DYNC2H1: variants seen among roughly 807,000 people sequenced by gnomAD.
The protein encoded by DYNC2H1 is dynein cytoplasmic 2 heavy chain 1.
In DYNC2H1, 410 loss-of-function variants were observed where a neutral mutation model predicts 570.0. That is an observed-to-expected ratio of 0.72 (90% confidence interval 0.66 to 0.78). DYNC2H1 has a LOEUF of 0.78. DYNC2H1 is among the 30% of genes least tolerant of loss of function. The pLI, the probability that DYNC2H1 is intolerant of heterozygous loss-of-function variation, is 0.00. For synonymous variants in DYNC2H1, 1,688 were observed against 1,677.6 expected (o/e 1.01, Z -0.15); for missense variants, 4,865 against 5,046.4 (o/e 0.96, Z 1.09).
At chr11:103,234,769 A>G (rs554992695) in intron 61 of DYNC2H1, among the ~76,000 whole-genome samples, 2 of 151,958 alleles carry the variant, frequency 1.3e-5, no homozygotes, top group Admixed American at 1.3e-4. Flanking sequence ...TTAAATGTGT[A>G]TTTCCAACTA....
chr11:103,158,838 T>G (rs549625513), intron 27 of DYNC2H1, 29 bp downstream of exon 27: 2 of 1,459,070 alleles, frequency 1.4e-6, no homozygotes, highest in Non-Finnish European at 9.2e-7. Flanking sequence ...AAATATATAA[T>G]AAATTGTAAA....
chr11:103,256,339 T>C lies in DYNC2H1; in HGVS notation c.10461+99T>C. 1 of 1,217,644 alleles carries C rather than the reference T, an allele frequency of 8.2e-7. No homozygotes were observed. Among genetic ancestry groups the C allele is most frequent in the Admixed American group, 2.9e-5 (1 of 34,066 alleles). The allele number at this position is 1,217,644 out of a possible 1,614,324, so 75.4% of individuals were successfully genotyped here. ...AATCAGGTCCTCAGGGGAAAGATGA[T>C]GTGAAAAGAAAAAAGCTATTCAAAA... is the stretch of plus-strand genomic sequence containing the variant. On this transcript the variant is annotated intron_variant, in intron 68 of 88. Transcript: ENST00000375735. This position sits in a 1 kb window ranked among gnomAD's most constrained non-coding sequence, Gnocchi z 4.0.
Position 103,160,947 on chromosome 11 carries a change from G to T in DYNC2H1, c.4394G>T (p.Cys1465Phe). The T allele has an allele frequency of 6.4e-7, 1 of 1,556,042 alleles. No homozygotes were observed. Among genetic ancestry groups the T allele is most frequent in the African/African-American group, 1.4e-5 (1 of 72,760 alleles). The change falls in exon 29 of 89, where the codon TGC (cysteine) becomes TTC (phenylalanine). Residue 1465 changes from cysteine to phenylalanine, a missense_variant. Coordinates refer to ENST00000375735, the MANE Select transcript of DYNC2H1 (RefSeq NM_001377.3). ...TATATTTCAGGTATTAACAGTGTTT[G>T]CTTTGATGAGAAATCAAAACATATA... ...KKLFAGINSV[C>F]FDEKSKHITA... is the part of the protein sequence containing the mutation.
At chr11:103,297,695 A>AAG (rs1283272220) in intron 75 of DYNC2H1, among the ~76,000 whole-genome samples, 1 of 152,078 alleles carries the variant, frequency 6.6e-6, no homozygotes, top group African/African-American at 2.4e-5. Context: ...GTTGATTGAA[A>AAG]AGTCATTATG....
At chr11:103,354,205 TC>T (rs1341192031) in intron 82 of DYNC2H1, among the ~76,000 whole-genome samples, 15 of 143,722 alleles carry the variant, frequency 1.0e-4, no homozygotes, top group Admixed American at 6.9e-4. Context: ...AAAAAAAATC[TC>T]CTGTTTAGCC....
At chr11:103,436,340 T>C (rs1457857053) in intron 85 of DYNC2H1, among the ~76,000 whole-genome samples, 1 of 152,012 alleles carries the variant, frequency 6.6e-6, no homozygotes, top group Non-Finnish European at 1.5e-5. Flanking sequence ...TGTGACTAGT[T>C]TGCCTTAGGG....
intron 75 of DYNC2H1, among the ~76,000 whole-genome samples, chr11:103,293,105 G>T (rs184942608): frequency 2.6e-5 from 4 of 152,082 alleles, no homozygotes; most frequent in Non-Finnish European, 5.9e-5. Flanking sequence ...TATAGTTCTG[G>T]TGTTGGTGAC....
Position 103,169,971 on chromosome 11 carries a change from T to G in DYNC2H1, c.4969-137T>G, listed in dbSNP as rs1861502521. On this transcript the variant is annotated intron_variant, in intron 32 of 88. Coordinates refer to ENST00000375735, the MANE Select transcript of DYNC2H1 (RefSeq NM_001377.3). ...AAAGCTTCTTTCACTAGAAAAAATTTTGGATATTTTTCTGTGTTAAAAACT... is the reference window on the plus strand; with the variant it reads ...AAAGCTTCTTTCACTAGAAAAAATTGTGGATATTTTTCTGTGTTAAAAACT... 1.0e-5 allele frequency: 8 copies of G among 768,918 alleles called. 1 individual carries two copies. In the South Asian group the frequency reaches 2.5e-4, roughly 25 times the overall value. The allele number at this position is 768,918 out of a possible 1,614,324, so 47.6% of individuals were successfully genotyped here.
rs181868104 is a variant in DYNC2H1, at chr11:103,375,610, G to A, written c.12156+17251G>A. Among the ~76,000 whole-genome samples, 77 of 152,340 alleles carry A rather than the reference G, an allele frequency of 5.1e-4. 1 individual carries two copies. The highest frequency in any genetic ancestry group is 1.2e-3 in the Admixed American group (19 of 15,306). ...TTAGATTTGAGACATGGAGTCAAAG[G>A]AGATTGTTTTGGAACTTTAATGACT... On this transcript the variant is annotated intron_variant, in intron 83 of 88. Transcript: ENST00000375735.
At chr11:103,327,795 G>T (rs1455307973) in intron 82 of DYNC2H1, among the ~76,000 whole-genome samples, 2 of 152,130 alleles carry the variant, frequency 1.3e-5, no homozygotes. Context: ...GGTCATCTTG[G>T]TACTGCGAAG....
At position 103,179,192 on chromosome 11, in the gene DYNC2H1, A is replaced by G; in HGVS notation, c.6306A>G (p.Ala2102=). 1.2e-6 allele frequency: 2 copies of G among 1,613,060 alleles called. No individual in the cohort carries two copies. The highest frequency in any genetic ancestry group is 1.7e-6 in the Non-Finnish European group (2 of 1,179,262). ...FVFETHDLSC[A]SPATISRMGM... is the part of the protein sequence containing the mutation. ...TTGAAACTCATGATTTAAGTTGTGC[A>G]TCACCAGCCACAATATCTAGAATGG... The change falls in exon 39 of 89, where the codon GCA becomes GCG. Residue 2102 remains alanine (A), a synonymous_variant. Coordinates refer to ENST00000375735, the MANE Select transcript of DYNC2H1 (RefSeq NM_001377.3).
At chr11:103,164,140 G>A (rs961391063) in intron 30 of DYNC2H1, among the ~76,000 whole-genome samples, 1 of 152,086 alleles carries the variant, frequency 6.6e-6, no homozygotes, top group Non-Finnish European at 1.5e-5. Flanking sequence ...TCAACTTCCA[G>A]ATAGGATTTA....
chr11:103,184,839 T>C (rs1386225121), intron 40 of DYNC2H1, 57 bp from the exon 41 acceptor site: 4 of 1,591,048 alleles, frequency 2.5e-6, no homozygotes, highest in Non-Finnish European at 3.4e-6. Flanking sequence ...TATGGTTCTA[T>C]GTTTACTGGT....
At position 103,186,299 on chromosome 11, in the gene DYNC2H1, T is replaced by C; in HGVS notation, c.6691T>C (p.Tyr2231His). The C allele has an allele frequency of 1.2e-6, 2 of 1,612,528 alleles. No homozygotes were observed. Among genetic ancestry groups the C allele is most frequent in the Non-Finnish European group, 1.7e-6 (2 of 1,179,064 alleles). Residue 2231 changes from tyrosine (Y) to histidine (H), a missense_variant, in exon 42 of 89, where the codon TAT becomes CAT. Around this residue, in one of 5 missense-constraint regions of DYNC2H1, gnomAD observed 2,401 missense variants for 2,454.6 expected, o/e 0.98. Coordinates refer to ENST00000375735, the MANE Select transcript of DYNC2H1 (RefSeq NM_001377.3). This position sits in a 1 kb window ranked among gnomAD's most constrained non-coding sequence, Gnocchi z 4.5. ...CTTTCACAAACCTATGGATACCTAC[T>C]ATGACTCTACTAGGGGTCGATTAGC... Reference protein sequence around the residue: ...PDFHKPMDTYYDSTRGRLATY... With the variant: ...PDFHKPMDTYHDSTRGRLATY...
chr11:103,116,220 T>C (rs1327184726), intron 4 of DYNC2H1, among the ~76,000 whole-genome samples: 1 of 152,168 alleles, frequency 6.6e-6, no homozygotes, highest in African/African-American at 2.4e-5. Context: ...TAATAATGAA[T>C]GAATAAAGAC....
intron 73 of DYNC2H1, among the ~76,000 whole-genome samples, chr11:103,284,298 A>G (rs1866263345): frequency 6.6e-6 from 1 of 152,168 alleles, no homozygotes; most frequent in African/African-American, 2.4e-5. Context: ...CCTGCTCTGT[A>G]CTGAAGTCTC....
rs757493068 is a variant in DYNC2H1 at position 103,148,408 on chromosome 11, AC to A, written c.2819-78del. 1.7e-4 allele frequency: 245 copies of A among 1,404,732 alleles called. 1 individual carries two copies. The highest frequency in any genetic ancestry group is 2.6e-4 in the South Asian group (20 of 76,552). The allele number at this position is 1,404,732 out of a possible 1,614,324, so 87.0% of individuals were successfully genotyped here. A position where few individuals can be genotyped will look rare whatever the true frequency, so the allele number is the denominator to read the frequency against. On this transcript the variant is annotated intron_variant, in intron 19 of 88. Transcript: ENST00000375735. ...ATTCCATGTACTGATTACTTCTACC[AC>A]CCCTTGATTTAGAAATTATGTAACT...
chr11:103,463,341 A>G (rs4754939), intron 87 of DYNC2H1, among the ~76,000 whole-genome samples: 24,809 of 152,156 alleles, frequency 0.16, 2,189 homozygotes, highest in Admixed American at 0.25. Flanking sequence ...GGCTTTTTTA[A>G]AGTAAAAGGA....
chr11:103,172,597 A>T (rs1861620743), intron 34 of DYNC2H1, among the ~76,000 whole-genome samples: 1 of 151,902 alleles, frequency 6.6e-6, no homozygotes, highest in African/African-American at 2.4e-5. Flanking sequence ...CCTCCTACTA[A>T]GTGCTGTTAT....
Sources: allele counts gnomAD v4.1 joint callset (sites outside exome capture counted in the v4.1 genomes callset), GRCh38; gene constraint gnomAD v4.1.1; regional missense constraint gnomAD v4.1.1; non-coding constraint Gnocchi (gnomAD v3.1); transcripts MANE v1.5; gene names NCBI Gene and HGNC (gene_info 2026-07-23, HGNC 2026-07-21).